Variants in CNTNAP5 observed in about 807,000 individuals in gnomAD.
CNTNAP5 encodes the protein contactin associated protein family member 5, also known as contactin-associated protein-like 5.
CNTNAP5 carries 72 observed loss-of-function variants against 150.2 expected under a neutral mutation model. The observed-to-expected ratio is 0.48, with a 90% CI of 0.40 to 0.58. The LOEUF (loss-of-function observed/expected upper bound fraction) is 0.58, where lower values mean the gene tolerates loss of function less well. Among genes scored for constraint, CNTNAP5 ranks in the 20% least tolerant of loss-of-function variants. CNTNAP5 has a pLI of 0.00. For missense variants in CNTNAP5, 1,636 were observed against 1,626.2 expected, an observed-to-expected ratio of 1.01 and a Z score of -0.10; for synonymous variants, 672 against 619.8, an observed-to-expected ratio of 1.08 and a Z score of -1.25.
intron 21 of CNTNAP5, among the ~76,000 whole-genome samples, chr2:124,899,557 T>C (rs756514513): frequency 2.0e-5 from 3 of 151,670 alleles, no homozygotes; most frequent in Non-Finnish European, 2.9e-5. Flanking sequence ...TTTGGTTTCT[T>C]AAGGCAGTGA....
chr2:124,094,460 C>T (rs2104689430), intron 1 of CNTNAP5, among the ~76,000 whole-genome samples: 2 of 152,302 alleles, frequency 1.3e-5, no homozygotes, highest in South Asian at 4.1e-4. Flanking sequence ...CCATCACCCA[C>T]ATTGCAAATG....
chr2:124,791,356 C>A (rs111254138), intron 18 of CNTNAP5, among the ~76,000 whole-genome samples: 1 of 152,130 alleles, frequency 6.6e-6, no homozygotes, highest in African/African-American at 2.4e-5. Flanking sequence ...TCGGGCTAAC[C>A]GCATGGAAGC....
At chr2:124,665,109 GGAAAAAAA>G (rs1573533447) in intron 13 of CNTNAP5, among the ~76,000 whole-genome samples, 4 of 151,470 alleles carry the variant, frequency 2.6e-5, no homozygotes, top group South Asian at 2.1e-4. Context: ...GGCAAAAACA[GGAAAAAAA>G]GAAAAAAAGA....
At chr2:124,775,645 T>C (rs753213088) in intron 17 of CNTNAP5, among the ~76,000 whole-genome samples, 1 of 152,192 alleles carries the variant, frequency 6.6e-6, no homozygotes, top group African/African-American at 2.4e-5. Flanking sequence ...TGCTGATACA[T>C]GAGTCAATGC....
At chr2:124,405,537 A>C (rs1006763863) in intron 3 of CNTNAP5, among the ~76,000 whole-genome samples, 2 of 152,176 alleles carry the variant, frequency 1.3e-5, no homozygotes, top group African/African-American at 4.8e-5. Context: ...TCAACTTCTG[A>C]TAATTTTTTT....
intron 3 of CNTNAP5, among the ~76,000 whole-genome samples, chr2:124,292,825 A>T (rs1270945692): frequency 6.6e-6 from 1 of 152,096 alleles, no homozygotes; most frequent in East Asian, 1.9e-4. Flanking sequence ...AGAATAAATA[A>T]TATCGTGGTC....
At chr2:124,301,379 A>C (rs1172367605) in intron 3 of CNTNAP5, among the ~76,000 whole-genome samples, 2 of 152,164 alleles carry the variant, frequency 1.3e-5, no homozygotes, top group African/African-American at 4.8e-5. Context: ...TCTTGCCTGC[A>C]TTTCTGCTCC....
At chr2:124,146,292 A>G (rs1451784699) in intron 1 of CNTNAP5, among the ~76,000 whole-genome samples, 1 of 152,214 alleles carries the variant, frequency 6.6e-6, no homozygotes, top group African/African-American at 2.4e-5. Context: ...TCCCAAAACA[A>G]AACATACACA....
At chr2:124,571,529 T>TTTTCTTTTTCTCTTTGTTTTCTTTTTTC (rs1558959181) in intron 11 of CNTNAP5, among the ~76,000 whole-genome samples, 2 of 86,582 alleles carry the variant, frequency 2.3e-5, no homozygotes, top group African/African-American at 8.8e-5. Flanking sequence ...TCTTTTTTCT[T>TTTTCTTTTTCTCTTTGTTTTCTTTTTTC]TTTTTTTTTT....
At chr2:124,514,152 C>T (rs979759790) in intron 8 of CNTNAP5, among the ~76,000 whole-genome samples, 1 of 152,122 alleles carries the variant, frequency 6.6e-6, no homozygotes, top group Non-Finnish European at 1.5e-5. Flanking sequence ...GCACAGAGTT[C>T]GAGTTTCAGA....
At chr2:124,346,067 A>C (rs529746286) in intron 3 of CNTNAP5, among the ~76,000 whole-genome samples, 3 of 152,162 alleles carry the variant, frequency 2.0e-5, no homozygotes, top group Non-Finnish European at 4.4e-5. Flanking sequence ...TAAAGTGTTG[A>C]AGTTTGTGAA....
chr2:124,666,512 C>T (rs1678703430), intron 13 of CNTNAP5, among the ~76,000 whole-genome samples: 1 of 152,102 alleles, frequency 6.6e-6, no homozygotes, highest in Non-Finnish European at 1.5e-5. Context: ...TGCCTAAACT[C>T]CAACAGAGAG....
At chr2:124,231,878 G>C (rs1686631455) in intron 2 of CNTNAP5, among the ~76,000 whole-genome samples, 1 of 152,084 alleles carries the variant, frequency 6.6e-6, no homozygotes, top group Non-Finnish European at 1.5e-5. Context: ...ATGATGAGGA[G>C]GAGGAGAAGG....
At chr2:124,077,511 A>G (rs1476452439) in intron 1 of CNTNAP5, among the ~76,000 whole-genome samples, 1 of 152,190 alleles carries the variant, frequency 6.6e-6, no homozygotes, top group Non-Finnish European at 1.5e-5. Context: ...GTGTCTGATG[A>G]ACCAAGCACA....
At chr2:124,398,283 G>A (rs2104755533) in intron 3 of CNTNAP5, among the ~76,000 whole-genome samples, 1 of 152,240 alleles carries the variant, frequency 6.6e-6, no homozygotes, top group South Asian at 2.1e-4. Context: ...GGATGAACAA[G>A]GAGAGTGCCA....
intron 1 of CNTNAP5, among the ~76,000 whole-genome samples, chr2:124,026,392 T>G (rs940750908): frequency 3.9e-5 from 6 of 152,224 alleles, no homozygotes; most frequent in Non-Finnish European, 8.8e-5. Context: ...TGAACACTAA[T>G]GAGTATGCAC....
At chr2:124,070,223 A>G (rs191965841) in intron 1 of CNTNAP5, among the ~76,000 whole-genome samples, 178 of 151,998 alleles carry the variant, frequency 1.2e-3, no homozygotes, top group Non-Finnish European at 2.2e-3. Flanking sequence ...ATACCATCAG[A>G]AAAATATCAC....
intron 5 of CNTNAP5, among the ~76,000 whole-genome samples, chr2:124,439,455 A>G (rs1344337441): frequency 6.6e-6 from 1 of 152,192 alleles, no homozygotes; most frequent in Non-Finnish European, 1.5e-5. Context: ...AAAATCATAT[A>G]ACAAATGTAT....
intron 11 of CNTNAP5, among the ~76,000 whole-genome samples, chr2:124,609,319 C>T (rs1029508098): frequency 1.3e-5 from 2 of 152,204 alleles, no homozygotes; most frequent in East Asian, 3.9e-4. Flanking sequence ...CTGGGCCTGG[C>T]GGATCATGCC....
Sources: gnomAD v4.1 joint callset for allele counts (sites outside exome capture counted in the v4.1 genomes callset) on GRCh38, gnomAD v4.1.1 for gene constraint, MANE v1.5 for transcripts, NCBI Gene and HGNC (gene_info 2026-07-23, HGNC 2026-07-21) for gene names.